ATP10A: variants seen among roughly 807,000 people sequenced by gnomAD.
ATP10A encodes ATPase phospholipid transporting 10A (putative), also known as phospholipid-transporting ATPase VA.
Under a neutral mutation model 147.8 loss-of-function variants are expected in ATP10A, and 111 were observed. The ratio of observed to expected loss-of-function variants is 0.75; its 90% CI spans 0.64 to 0.88. The LOEUF (loss-of-function observed/expected upper bound fraction) is 0.88, where lower values mean the gene tolerates loss of function less well. ATP10A is among the 40% of genes least tolerant of loss of function. The pLI, the probability that ATP10A is intolerant of heterozygous loss-of-function variation, is 0.00. For missense variants in ATP10A, 1,927 were observed against 1,959.0 expected, an observed-to-expected ratio of 0.98 and a Z score of 0.31; for synonymous variants, 875 against 841.6, an observed-to-expected ratio of 1.04 and a Z score of -0.69.
At chr15:25,779,906 C>A (rs1012282998) in intron 2 of ATP10A, among the ~76,000 whole-genome samples, 1 of 146,278 alleles carries the variant, frequency 6.8e-6, no homozygotes, top group Non-Finnish European at 1.5e-5. Context: ...GAAATCATGG[C>A]GGAAATCAGC....
chr15:25,731,213 G>A (rs975194274), intron 3 of ATP10A, among the ~76,000 whole-genome samples: 1 of 152,198 alleles, frequency 6.6e-6, no homozygotes, highest in Non-Finnish European at 1.5e-5. Context: ...TGCTCTGTGG[G>A]GTAAGAATGG....
At chr15:25,858,142 A>C (rs1166637769) in intron 1 of ATP10A, among the ~76,000 whole-genome samples, 2 of 152,206 alleles carry the variant, frequency 1.3e-5, no homozygotes, top group East Asian at 3.8e-4. Flanking sequence ...GCAATGTGGA[A>C]ATAATATTCC....
intron 13 of ATP10A, among the ~76,000 whole-genome samples, chr15:25,699,774 A>G (rs113657549): frequency 5.9e-4 from 90 of 152,310 alleles, no homozygotes; most frequent in African/African-American, 2.1e-3. Flanking sequence ...ATGCTGAGGC[A>G]GGAGGATCCC....
intron 14 of ATP10A, among the ~76,000 whole-genome samples, chr15:25,692,577 C>A (rs1280296927): frequency 6.6e-6 from 1 of 152,128 alleles, no homozygotes; most frequent in Non-Finnish European, 1.5e-5. Flanking sequence ...CTGTGATTTT[C>A]CTGTTCTTTA....
intron 16 of ATP10A, among the ~76,000 whole-genome samples, chr15:25,685,264 C>T (rs574659707): frequency 6.6e-6 from 1 of 152,296 alleles, no homozygotes; most frequent in African/African-American, 2.4e-5. Flanking sequence ...TTGAACTCCT[C>T]ATGTAGATTA....
At chr15:25,824,810 C>T (rs1432716562) in intron 1 of ATP10A, among the ~76,000 whole-genome samples, 8 of 152,110 alleles carry the variant, frequency 5.3e-5, no homozygotes, top group Non-Finnish European at 8.8e-5. Context: ...AGCTTTGTAG[C>T]GTTTTACGTT....
intron 2 of ATP10A, among the ~76,000 whole-genome samples, chr15:25,766,678 A>G (rs1366752744): frequency 6.6e-6 from 1 of 151,970 alleles, no homozygotes; most frequent in Admixed American, 6.6e-5. Context: ...CCACACGCTC[A>G]AACACTGCCT....
At chr15:25,844,659 A>C (rs1222020351) in intron 1 of ATP10A, among the ~76,000 whole-genome samples, 1 of 152,176 alleles carries the variant, frequency 6.6e-6, no homozygotes, top group Non-Finnish European at 1.5e-5. Flanking sequence ...CAAAGGAAGA[A>C]GAGGGCTCCT....
In ATP10A at chr15:25,771,628, T is replaced by A. The variant is rs368514031; in HGVS notation, c.654+9391A>T. 3.0e-4 allele frequency among the ~76,000 whole-genome samples: 46 copies of A among 152,250 alleles called. No individual in the cohort carries two copies. In the South Asian group the frequency reaches 6.0e-3, roughly 20 times the overall value. ...CTTTGTCTGATGTAAAAATGTGGAT[T>A]TACTGGACACCAACTGAAGTCTCAC... On this transcript the variant is annotated intron_variant, in intron 2 of 20. Transcript: ENST00000555815.
chr15:25,801,290 GAGGTGGACC>G (rs1333201100), intron 1 of ATP10A, among the ~76,000 whole-genome samples: 1 of 152,136 alleles, frequency 6.6e-6, no homozygotes, highest in Non-Finnish European at 1.5e-5. Flanking sequence ...TTCGGGGCAT[GAGGTGGACC>G]AGCAGAGAAG....
chr15:25,746,864 T>C (rs1887868201), intron 2 of ATP10A, among the ~76,000 whole-genome samples: 1 of 152,204 alleles, frequency 6.6e-6, no homozygotes, highest in Admixed American at 6.5e-5. Flanking sequence ...TGTTGGCATA[T>C]GACACCCAAA....
chr15:25,809,310 G>A (rs1412847066), intron 1 of ATP10A, among the ~76,000 whole-genome samples: 1 of 152,114 alleles, frequency 6.6e-6, no homozygotes, highest in Non-Finnish European at 1.5e-5. Context: ...ACATGACCCA[G>A]GCATGCACTC....
intron 19 of ATP10A, 151 bp downstream of exon 19, chr15:25,680,659 A>C: frequency 1.3e-6 from 1 of 770,472 alleles, no homozygotes; most frequent in Non-Finnish European, 2.2e-6. Context: ...GGGCTCGGGA[A>C]TGTGTCATTG....
At chr15:25,683,984 C>T (rs540975120) in intron 16 of ATP10A, 1 of 156,342 alleles carries the variant, frequency 6.4e-6, no homozygotes, top group African/African-American at 2.4e-5. Flanking sequence ...GTGCAGTGGA[C>T]AGTGACTGAC....
chr15:25,686,144 T>C (rs1195948502), intron 16 of ATP10A, among the ~76,000 whole-genome samples: 2 of 152,128 alleles, frequency 1.3e-5, no homozygotes, highest in Non-Finnish European at 2.9e-5. Flanking sequence ...AAACATGCCC[T>C]GACTGGATCT....
intron 15 of ATP10A, among the ~76,000 whole-genome samples, chr15:25,689,831 G>A (rs1417458857): frequency 6.6e-6 from 1 of 152,200 alleles, no homozygotes; most frequent in Admixed American, 6.5e-5. Context: ...CCTTGAGGAG[G>A]AGAGCAGGCA....
chr15:25,861,460 G>A (rs1190011776), intron 1 of ATP10A, among the ~76,000 whole-genome samples: 4 of 152,138 alleles, frequency 2.6e-5, no homozygotes, highest in Admixed American at 1.3e-4. Context: ...CATAACCACT[G>A]CAGTGTTGCT....
intron 3 of ATP10A, among the ~76,000 whole-genome samples, chr15:25,733,612 A>G (rs895564082): frequency 1.3e-5 from 2 of 152,170 alleles, no homozygotes; most frequent in Non-Finnish European, 2.9e-5. Flanking sequence ...CCAGGCCCTG[A>G]CAGCCCTGTG....
chr15:25,834,617 C>T (rs780524528), intron 1 of ATP10A, among the ~76,000 whole-genome samples: 3 of 152,152 alleles, frequency 2.0e-5, no homozygotes, highest in African/African-American at 2.4e-5. Context: ...CTCCTAGGGA[C>T]ATACACAAGA....
Sources: gnomAD v4.1 joint callset for allele counts (sites outside exome capture counted in the v4.1 genomes callset) on GRCh38, gnomAD v4.1.1 for gene constraint, MANE v1.5 for transcripts, NCBI Gene and HGNC (gene_info 2026-07-23, HGNC 2026-07-21) for gene names.